The following CHCHD3 variants were observed in gnomAD, a reference collection of about 807,000 sequenced individuals.
The protein encoded by CHCHD3 is MICOS complex subunit MIC19.
CHCHD3 carries 20 observed loss-of-function variants against 38.2 expected under a neutral mutation model. That is an observed-to-expected ratio of 0.52 (90% CI 0.37 to 0.76). The LOEUF (loss-of-function observed/expected upper bound fraction) is 0.76. CHCHD3 is among the 30% of genes least tolerant of loss of function. CHCHD3 has a pLI of 0.00. For missense variants in CHCHD3, 245 were observed against 279.2 expected (o/e 0.88, Z 0.87); for synonymous variants, 82 against 100.0 (o/e 0.82, Z 1.07).
intron 5 of CHCHD3, among the ~76,000 whole-genome samples, chr7:132,883,096 A>G (rs548205041): frequency 3.9e-5 from 6 of 152,230 alleles, no homozygotes; most frequent in African/African-American, 1.4e-4. Flanking sequence ...TTCTGCCGTA[A>G]TTGTAAGTTT....
chr7:132,938,763 G>A (rs1810691944), intron 4 of CHCHD3, among the ~76,000 whole-genome samples: 1 of 152,268 alleles, frequency 6.6e-6, no homozygotes, highest in South Asian at 2.1e-4. Context: ...CAGGAAAGGA[G>A]AAGGTTCCCA....
At position 132,934,904 on chromosome 7, in the gene CHCHD3, G is replaced by A. The variant is rs191726318; in HGVS notation, c.369+40265C>T. ...TAACACATTTCTTATACTATCTCCC[G>A]CACAATATGGAAAAGATACAAGTGG... On this transcript the variant is annotated intron_variant, in intron 4 of 7. Coordinates refer to ENST00000262570, the MANE Select transcript of CHCHD3 (RefSeq NM_017812.4). Among the ~76,000 whole-genome samples, 5 of 152,138 alleles carry A rather than the reference G, an allele frequency of 3.3e-5. No homozygotes were observed. In the East Asian group the frequency reaches 5.8e-4, roughly 18 times the overall value.
chr7:133,000,685 A>G (rs1027581624), intron 3 of CHCHD3, among the ~76,000 whole-genome samples: 1 of 152,182 alleles, frequency 6.6e-6, no homozygotes, highest in African/African-American at 2.4e-5. Flanking sequence ...TTAGAAAACT[A>G]AAAAGAATCA....
chr7:132,919,065 T>C (rs911674956), intron 4 of CHCHD3, among the ~76,000 whole-genome samples: 1 of 150,824 alleles, frequency 6.6e-6, no homozygotes, highest in African/African-American at 2.4e-5. Context: ...TCATCATCAT[T>C]AATTTTACTC....
At chr7:133,007,514 T>A (rs542213590) in intron 3 of CHCHD3, among the ~76,000 whole-genome samples, 1 of 152,104 alleles carries the variant, frequency 6.6e-6, no homozygotes, top group Non-Finnish European at 1.5e-5. Flanking sequence ...CAGAAACCAA[T>A]CCTAACGGAA....
At chr7:132,790,588 C>T (rs1475665078) in intron 7 of CHCHD3, among the ~76,000 whole-genome samples, 1 of 152,196 alleles carries the variant, frequency 6.6e-6, no homozygotes, top group Non-Finnish European at 1.5e-5. Flanking sequence ...ACGTGTCAGT[C>T]ACCCTGTGAC....
chr7:133,049,920 A>G (rs1584672191), intron 2 of CHCHD3, among the ~76,000 whole-genome samples: 1 of 152,168 alleles, frequency 6.6e-6, no homozygotes, highest in East Asian at 1.9e-4. Flanking sequence ...GCTACATGCC[A>G]TTGCTTCTAA....
chr7:132,922,067 C>T (rs1810275781), intron 4 of CHCHD3, among the ~76,000 whole-genome samples: 1 of 152,138 alleles, frequency 6.6e-6, no homozygotes, highest in South Asian at 2.1e-4. Flanking sequence ...TAGACTTGAC[C>T]AGCTTTCTTA....
intron 3 of CHCHD3, among the ~76,000 whole-genome samples, chr7:132,978,157 G>A (rs1334891235): frequency 6.6e-6 from 1 of 152,106 alleles, no homozygotes; most frequent in Non-Finnish European, 1.5e-5. Context: ...CTCAATAAAT[G>A]TTAGGTAAGT....
At chr7:132,884,654 A>G (rs1023160956) in intron 5 of CHCHD3, among the ~76,000 whole-genome samples, 1 of 152,186 alleles carries the variant, frequency 6.6e-6, no homozygotes, top group African/African-American at 2.4e-5. Flanking sequence ...TAAAATTTGG[A>G]GGGTTTCATT....
At chr7:132,841,820 G>A (rs4731908) in intron 5 of CHCHD3, among the ~76,000 whole-genome samples, 44,584 of 152,046 alleles carry the variant, frequency 0.29, 6,586 homozygotes, top group East Asian at 0.37. Flanking sequence ...TTTATAGGCC[G>A]GGCACGGTGG....
chr7:132,931,529 C>T (rs1442392960), intron 4 of CHCHD3, among the ~76,000 whole-genome samples: 1 of 152,096 alleles, frequency 6.6e-6, no homozygotes, highest in Non-Finnish European at 1.5e-5. Flanking sequence ...ACATAAAGCG[C>T]TAATCAAAGT....
chr7:132,984,506 G>A (rs879528768), intron 3 of CHCHD3, among the ~76,000 whole-genome samples: 3 of 145,246 alleles, frequency 2.1e-5, no homozygotes, highest in African/African-American at 2.5e-5. Context: ...AGTGAGGAGC[G>A]TCTCTGCCTG....
intron 4 of CHCHD3, among the ~76,000 whole-genome samples, chr7:132,892,757 A>G (rs945801122): frequency 6.6e-6 from 1 of 152,206 alleles, no homozygotes; most frequent in Non-Finnish European, 1.5e-5. Context: ...AAAGAGGCCA[A>G]GGTATAGCTC....
At chr7:132,806,691 CTT>C (rs879700699) in intron 6 of CHCHD3, among the ~76,000 whole-genome samples, 1 of 145,686 alleles carries the variant, frequency 6.9e-6, no homozygotes, top group Admixed American at 6.9e-5. Context: ...CTCTAACAGA[CTT>C]TTTTTTTTTT....
chr7:132,966,121 T>C (rs565842466), intron 4 of CHCHD3, among the ~76,000 whole-genome samples: 2 of 152,360 alleles, frequency 1.3e-5, no homozygotes, highest in South Asian at 4.1e-4. Flanking sequence ...ATGACTCATT[T>C]TTCTATTAAA....
chr7:132,842,464 C>T (rs1807964352), intron 5 of CHCHD3, among the ~76,000 whole-genome samples: 1 of 152,186 alleles, frequency 6.6e-6, no homozygotes, highest in Admixed American at 6.5e-5. Flanking sequence ...AACAATGTTA[C>T]AATAGTAGTA....
chr7:132,810,640 T>C (rs1247389965), intron 6 of CHCHD3, among the ~76,000 whole-genome samples: 1 of 152,194 alleles, frequency 6.6e-6, no homozygotes, highest in Non-Finnish European at 1.5e-5. Flanking sequence ...AGGTGGAATC[T>C]CAATGATTTC....
At chr7:132,917,713 G>T (rs1810143723) in intron 4 of CHCHD3, among the ~76,000 whole-genome samples, 3 of 151,964 alleles carry the variant, frequency 2.0e-5, no homozygotes, top group African/African-American at 7.3e-5. Context: ...CAAAAAATTA[G>T]CCGGGTGTGT....
Sources: gnomAD v4.1 joint callset for allele counts (sites outside exome capture counted in the v4.1 genomes callset) on GRCh38, gnomAD v4.1.1 for gene constraint, MANE v1.5 for transcripts, NCBI Gene and HGNC (gene_info 2026-07-23, HGNC 2026-07-21) for gene names.